The following SNORC variants were observed in gnomAD, a reference collection of about 807,000 sequenced individuals.
The protein encoded by SNORC is protein SNORC.
SNORC carries 11 observed loss-of-function variants against 9.7 expected under a neutral mutation model. That is an observed-to-expected ratio of 1.14 (90% CI 0.72 to 1.88). The LOEUF is 1.88. Ranked by LOEUF, SNORC falls within the 40% of genes most tolerant of loss-of-function variation. The pLI is 0.00. For missense variants in SNORC, 197 were observed against 173.1 expected, an observed-to-expected ratio of 1.14 and a Z score of -0.77; for synonymous variants, 108 against 88.7, an observed-to-expected ratio of 1.22 and a Z score of -1.22.
In SNORC at chr2:232,876,129, G is replaced by T; in HGVS notation, c.256+7G>T. ...CGGCTGGACCAGGGCGGCGGTACGG[G>T]CGGGGCGGGGGAGGGAGGGGAGAGG... On this transcript the variant is annotated splice_region_variant and intron_variant, in intron 2 of 2. Coordinates refer to ENST00000331342, the Ensembl canonical transcript of SNORC. The surrounding 1 kb of genome is among the most constrained non-coding windows in gnomAD (Gnocchi z 6.8). 2.7e-6 allele frequency: 4 copies of T among 1,493,654 alleles called. No homozygotes were observed. Among genetic ancestry groups the T allele is most frequent in the African/African-American group, 1.5e-5 (1 of 68,942 alleles). 92.5% of individuals were successfully genotyped at this position (1,493,654 alleles called of 1,614,324 possible). A position where few individuals can be genotyped will look rare whatever the true frequency, so the allele number is the denominator to read the frequency against.
Position 232,876,219 on chromosome 2 carries a change from A to T in SNORC, c.257-28A>T, listed in dbSNP as rs1277338920. 3 of 1,490,368 alleles carry T rather than the reference A, an allele frequency of 2.0e-6. No individual in the cohort carries two copies. Among genetic ancestry groups the T allele is most frequent in the South Asian group, 1.3e-5 (1 of 78,816 alleles). The allele number at this position is 1,490,368 out of a possible 1,614,324, so 92.3% of individuals were successfully genotyped here. A position where few individuals can be genotyped will look rare whatever the true frequency, so the allele number is the denominator to read the frequency against. On this transcript the variant is annotated intron_variant, in intron 2 of 2. Coordinates refer to ENST00000331342, the Ensembl canonical transcript of SNORC. This position sits in a 1 kb window ranked among gnomAD's most constrained non-coding sequence, Gnocchi z 6.8. Reference sequence around the variant, plus strand: ...AAGGGCCGGCCAGGCGGGGGCTAGCAGGTGACATGGTCCTCCGTCCTCCGC... The same window carrying T: ...AAGGGCCGGCCAGGCGGGGGCTAGCTGGTGACATGGTCCTCCGTCCTCCGC...
At chr2:232,877,697 G>A (rs1194087595), downstream of SNORC, 4 of 152,208 alleles carry the variant, frequency 2.6e-5, no homozygotes, top group Non-Finnish European at 5.9e-5. Flanking sequence ...TGGGGGATAG[G>A]GTCAAGGCCT....
intron 1 of SNORC, among the ~76,000 whole-genome samples, chr2:232,875,088 G>A (rs7602208): frequency 0.15 from 22,511 of 152,140 alleles, 1,858 homozygotes; most frequent in South Asian, 0.31. Context: ...ACCTGTAATC[G>A]CAGCACTTTG....
intron 1 of SNORC, among the ~76,000 whole-genome samples, chr2:232,873,689 G>A (rs990558642): frequency 6.6e-6 from 1 of 152,236 alleles, no homozygotes; most frequent in African/African-American, 2.4e-5. Flanking sequence ...GGCGGTGGGC[G>A]CACTCAGGCC....
At chr2:232,871,881 T>A (rs1249574285) in intron 1 of SNORC, among the ~76,000 whole-genome samples, 1 of 152,124 alleles carries the variant, frequency 6.6e-6, no homozygotes, top group East Asian at 1.9e-4. Flanking sequence ...CCTGTGTGGC[T>A]GACCCTCCTG....
Position 232,874,951 on chromosome 2 carries a change from T to A in SNORC, c.74-989T>A, listed in dbSNP as rs562902528. Among the ~76,000 whole-genome samples the A allele has an allele frequency of 2.0e-5, 3 of 152,090 alleles. No homozygotes were observed. The South Asian group carries it at 6.2e-4, about 32-fold the overall frequency. On this transcript the variant is annotated intron_variant, in intron 1 of 2. Transcript: ENST00000331342. ...TTCCCACACCACAGAGTAGCTGGAG[T>A]CAAAGAGATGAGGTGTTGGGACATC...
At chr2:232,875,110 C>T (rs899633692) in intron 1 of SNORC, among the ~76,000 whole-genome samples, 6 of 152,136 alleles carry the variant, frequency 3.9e-5, no homozygotes, top group African/African-American at 7.2e-5. Context: ...GAGGCCGACA[C>T]GGGTGTATCA....
intron 1 of SNORC, among the ~76,000 whole-genome samples, chr2:232,873,418 G>A (rs1035529461): frequency 6.6e-6 from 1 of 152,070 alleles, no homozygotes; most frequent in African/African-American, 2.4e-5. Flanking sequence ...CTGCTCAGAG[G>A]GTACCGTCAA....
downstream of SNORC, chr2:232,876,447 G>A: frequency 7.0e-7 from 1 of 1,424,016 alleles, no homozygotes; most frequent in Non-Finnish European, 9.1e-7. This position sits in a 1 kb window ranked among gnomAD's most constrained non-coding sequence, Gnocchi z 6.8. Flanking sequence ...CGCGCATGCA[G>A]GTGTGCCAGA....
chr2:232,870,494 T>A (rs1202267580), intron 1 of SNORC, 80 bp downstream of exon 1: 1 of 1,347,452 alleles, frequency 7.4e-7, no homozygotes, highest in Non-Finnish European at 1.0e-6. Flanking sequence ...TTCTTCAACG[T>A]TCACTGGGGA....
In SNORC at chr2:232,876,094, C is replaced by G; in HGVS notation, c.228C>G (p.Thr76=). Residue 76 remains threonine (T), a synonymous_variant, in exon 2 of 3, where the codon ACC becomes ACG. Transcript: ENST00000331342. This position sits in a 1 kb window ranked among gnomAD's most constrained non-coding sequence, Gnocchi z 6.8. ...TCGCGCCAGGACCCGAGGACAGCAC[C>G]GCGCAGGAGCGGCTGGACCAGGGCG... is the stretch of plus-strand genomic sequence containing the variant. 10 of 1,514,372 alleles carry G rather than the reference C, an allele frequency of 6.6e-6. No individual in the cohort carries two copies. Among genetic ancestry groups the G allele is most frequent in the Non-Finnish European group, 8.8e-6 (10 of 1,138,234 alleles). 93.8% of individuals were successfully genotyped at this position (1,514,372 alleles called of 1,614,324 possible). A position where few individuals can be genotyped will look rare whatever the true frequency, so the allele number is the denominator to read the frequency against.
At chr2:232,867,998 G>C (rs555705173), upstream of SNORC, among the ~76,000 whole-genome samples, 1 of 152,192 alleles carries the variant, frequency 6.6e-6, no homozygotes, top group Admixed American at 6.5e-5. Flanking sequence ...AAGAGATTTT[G>C]GTTCTGGGAA....
At chr2:232,877,177 T>A, downstream of SNORC, 1 of 985,564 alleles carries the variant, frequency 1.0e-6, no homozygotes, top group African/African-American at 1.7e-5. Flanking sequence ...CCGCCCCTGC[T>A]TCCTACTCTC....
chr2:232,875,506 C>A (rs1229746946), intron 1 of SNORC: 1 of 438,374 alleles, frequency 2.3e-6, no homozygotes, highest in African/African-American at 2.1e-5. Context: ...GGATGGATGG[C>A]CCAGGGTTGG....
downstream of SNORC, chr2:232,876,633 G>C: frequency 9.6e-7 from 1 of 1,039,746 alleles, no homozygotes; most frequent in Non-Finnish European, 1.2e-6. The surrounding 1 kb of genome is among the most constrained non-coding windows in gnomAD (Gnocchi z 6.8). Flanking sequence ...CTGAGCGCGC[G>C]CAGGGCCGCG....
chr2:232,877,523 T>C, downstream of SNORC: 1 of 225,608 alleles, frequency 4.4e-6, no homozygotes, highest in Non-Finnish European at 7.4e-6. Flanking sequence ...TGAGTGGGAA[T>C]GTTGCTGGAG....
intron 1 of SNORC, among the ~76,000 whole-genome samples, chr2:232,875,268 G>A (rs919780850): frequency 2.0e-5 from 3 of 152,328 alleles, no homozygotes; most frequent in South Asian, 4.1e-4. Context: ...GCTTGAACCC[G>A]GGAGGCGGAG....
At position 232,876,322 on chromosome 2, in the gene SNORC, T is replaced by C. The variant is rs2106196861; in HGVS notation, c.332T>C (p.Val111Ala). ...GCCACCTGCGTGGTGCTGGCGCTCG[T>C]GGTCGTCGCGCTGAGAAAGTTTTCT... Residue 111 changes from valine (V) to alanine (A), a missense_variant, in exon 3 of 3, where the codon GTG becomes GCG. Transcript: ENST00000331342. This position sits in a 1 kb window ranked among gnomAD's most constrained non-coding sequence, Gnocchi z 6.8. 1.3e-6 allele frequency: 2 copies of C among 1,544,656 alleles called. No individual in the cohort carries two copies. Among genetic ancestry groups the C allele is most frequent in the East Asian group, 2.5e-5 (1 of 39,516 alleles).
Position 232,870,416 on chromosome 2 carries a change from TA to T in SNORC, c.73+4del. The T allele has an allele frequency of 6.4e-7, 1 of 1,566,918 alleles. No homozygotes were observed. ...TTCTGGCCCCTGCGGTGCTCACAGGTAAGAGGTGAAGGCCCTTGTCTCAGCC... is the reference window on the plus strand; with the variant it reads ...TTCTGGCCCCTGCGGTGCTCACAGGTAGAGGTGAAGGCCCTTGTCTCAGCC... On this transcript the variant is annotated splice_donor_region_variant and intron_variant, in intron 1 of 2. Coordinates refer to ENST00000331342, the Ensembl canonical transcript of SNORC.
Sources: gnomAD v4.1 joint callset for allele counts (sites outside exome capture counted in the v4.1 genomes callset) on GRCh38, gnomAD v4.1.1 for gene constraint, Gnocchi (gnomAD v3.1) non-coding constraint, MANE v1.5 for transcripts, NCBI Gene and HGNC (gene_info 2026-07-23, HGNC 2026-07-21) for gene names.